EYS: variants seen among roughly 807,000 people sequenced by gnomAD.
The protein encoded by EYS is EGF-like photoreceptor maintenance factor, also known as protein eyes shut homolog.
A neutral mutation model predicts 282.1 loss-of-function variants in EYS; 250 were observed. The observed-to-expected ratio is 0.89, with a 90% CI of 0.80 to 0.98. The LOEUF (loss-of-function observed/expected upper bound fraction) is 0.98. Among genes scored for constraint, EYS ranks in the 50% least tolerant of loss-of-function variants. EYS has a pLI of 0.00. For missense variants in EYS, 4,016 were observed against 3,709.0 expected, an observed-to-expected ratio of 1.08 and a Z score of -2.15; for synonymous variants, 1,355 against 1,282.9, an observed-to-expected ratio of 1.06 and a Z score of -1.20.
At chr6:64,146,296 T>C (rs1054584506) in intron 31 of EYS, among the ~76,000 whole-genome samples, 1 of 152,194 alleles carries the variant, frequency 6.6e-6, no homozygotes, top group African/African-American at 2.4e-5. Flanking sequence ...AGAAAAGTCA[T>C]GTCAAAACAT....
rs78508695 is a variant in EYS at position 65,097,310 on chromosome 6, T to A, written c.2024-39583A>T. The stretch of plus-strand genomic sequence containing the variant: ...CCACTATGAGTAATTAATCGACAGC[T>A]GTTAGGATGGCTATGATCAAAAAAC... On this transcript the variant is annotated intron_variant, in intron 12 of 42. Transcript: ENST00000503581. Among the ~76,000 whole-genome samples, 13 of 151,024 alleles carry A rather than the reference T, an allele frequency of 8.6e-5. No homozygotes were observed. In the East Asian group the frequency reaches 2.5e-3, roughly 29 times the overall value.
At chr6:65,584,943 T>C (rs564387528) in intron 2 of EYS, among the ~76,000 whole-genome samples, 2 of 151,138 alleles carry the variant, frequency 1.3e-5, no homozygotes, top group South Asian at 4.2e-4. Context: ...CCAAACTTTG[T>C]GATTTTATAA....
rs145854465 is a variant in EYS, at chr6:65,402,203, A to G, written c.1184+275T>C. Among the ~76,000 whole-genome samples, 1,027 of 151,956 alleles carry G rather than the reference A, an allele frequency of 6.8e-3. 8 individuals are homozygous for G. Among genetic ancestry groups the G allele is most frequent in the African/African-American group, 0.023 (972 of 41,520 alleles). On this transcript the variant is annotated intron_variant, in intron 7 of 42. Coordinates refer to ENST00000503581, the MANE Select transcript of EYS (RefSeq NM_001142800.2). ...CTAGATCTTCAATTATTATTTGATT[A>G]TATTAAAACCTCCATTATTAAACAA...
chr6:64,513,109 C>T (rs527282226), intron 26 of EYS, among the ~76,000 whole-genome samples: 112 of 151,492 alleles, frequency 7.4e-4, no homozygotes, highest in African/African-American at 1.7e-3. Flanking sequence ...TACAGATTTG[C>T]GATCAGGTTC....
intron 13 of EYS, among the ~76,000 whole-genome samples, chr6:65,038,777 GTATTC>G (rs772154729): frequency 6.6e-6 from 1 of 151,274 alleles, no homozygotes; most frequent in East Asian, 1.9e-4. Context: ...CTCTGGAGGA[GTATTC>G]ACTTTTGGTT....
At chr6:64,915,583 T>A (rs940656424) in intron 15 of EYS, among the ~76,000 whole-genome samples, 1 of 152,176 alleles carries the variant, frequency 6.6e-6, no homozygotes, top group African/African-American at 2.4e-5. Flanking sequence ...CCACCTACAC[T>A]GTTTACTAGA....
At chr6:63,811,948 A>G (rs1771058047) in intron 36 of EYS, among the ~76,000 whole-genome samples, 1 of 152,186 alleles carries the variant, frequency 6.6e-6, no homozygotes, top group Admixed American at 6.5e-5. Context: ...TGTTAATACC[A>G]TCAACGTTCA....
At chr6:64,587,075 C>T (rs533224695) in intron 26 of EYS, among the ~76,000 whole-genome samples, 9 of 152,026 alleles carry the variant, frequency 5.9e-5, no homozygotes, top group Admixed American at 1.3e-4. Flanking sequence ...CACCGTAATA[C>T]AGGGCTAGCA....
intron 5 of EYS, among the ~76,000 whole-genome samples, chr6:65,429,689 G>A (rs1206179476): frequency 6.6e-6 from 1 of 151,868 alleles, no homozygotes; most frequent in African/African-American, 2.4e-5. Context: ...ACAAGCAAAA[G>A]AGAATAAAAT....
intron 33 of EYS, among the ~76,000 whole-genome samples, chr6:64,016,922 G>A (rs1405750329): frequency 6.6e-6 from 1 of 152,000 alleles, no homozygotes; most frequent in African/African-American, 2.4e-5. Flanking sequence ...AGGTATCCCT[G>A]TCTCCACCAC....
intron 31 of EYS, among the ~76,000 whole-genome samples, chr6:64,125,555 G>A (rs1773750344): frequency 6.6e-6 from 1 of 151,884 alleles, no homozygotes; most frequent in Non-Finnish European, 1.5e-5. Context: ...GGAGGCTGAG[G>A]CGGGCGGATC....
At chr6:64,338,388 G>T (rs1770944291) in intron 29 of EYS, among the ~76,000 whole-genome samples, 1 of 148,642 alleles carries the variant, frequency 6.7e-6, no homozygotes, top group Non-Finnish European at 1.5e-5. Flanking sequence ...AACAGCTGCA[G>T]AAAGAAAAAA....
intron 35 of EYS, among the ~76,000 whole-genome samples, chr6:63,878,624 C>A (rs1773044168): frequency 6.6e-6 from 1 of 152,222 alleles, no homozygotes; most frequent in Admixed American, 6.5e-5. Context: ...GTGGGCTCCA[C>A]CCACTTCGAG....
chr6:63,928,685 AG>A (rs530245280), intron 35 of EYS, among the ~76,000 whole-genome samples: 92 of 152,348 alleles, frequency 6.0e-4, no homozygotes, highest in Non-Finnish European at 1.1e-3. Flanking sequence ...ATCTGCTTAA[AG>A]GACAATTTCT....
intron 36 of EYS, among the ~76,000 whole-genome samples, chr6:63,853,200 T>C (rs943679125): frequency 6.6e-6 from 1 of 152,186 alleles, no homozygotes; most frequent in Non-Finnish European, 1.5e-5. Flanking sequence ...ATTGTCTCTG[T>C]TTGCAGATGA....
chr6:64,794,422 G>A (rs1005972796), intron 22 of EYS, among the ~76,000 whole-genome samples: 1 of 152,106 alleles, frequency 6.6e-6, no homozygotes, highest in Non-Finnish European at 1.5e-5. Context: ...TCATGATAGA[G>A]TTTTCACAAG....
At chr6:64,981,980 C>T (rs747986204) in intron 14 of EYS, among the ~76,000 whole-genome samples, 4 of 151,284 alleles carry the variant, frequency 2.6e-5, no homozygotes, top group African/African-American at 4.8e-5. Flanking sequence ...CCTTTTTAAA[C>T]GAGGCAACTC....
intron 12 of EYS, among the ~76,000 whole-genome samples, chr6:65,162,919 G>GTT: frequency 6.6e-6 from 1 of 150,716 alleles, no homozygotes; most frequent in Non-Finnish European, 1.5e-5. Flanking sequence ...GTTTGTGTGT[G>GTT]TGTGTGTGTG....
At chr6:64,868,292 AT>A (rs1410776357) in intron 19 of EYS, among the ~76,000 whole-genome samples, 1 of 151,618 alleles carries the variant, frequency 6.6e-6, no homozygotes, top group Admixed American at 6.6e-5. Flanking sequence ...CTCATGTAGA[AT>A]TGGATATTTT....
Sources: gnomAD v4.1 joint callset for allele counts (sites outside exome capture counted in the v4.1 genomes callset) on GRCh38, gnomAD v4.1.1 for gene constraint, MANE v1.5 for transcripts, NCBI Gene and HGNC (gene_info 2026-07-23, HGNC 2026-07-21) for gene names.